MGMT: variants seen among roughly 807,000 people sequenced by gnomAD.
MGMT encodes methylated-DNA--protein-cysteine methyltransferase.
A neutral mutation model predicts 15.9 loss-of-function variants in MGMT; 14 were observed. The ratio of observed to expected loss-of-function variants is 0.88; its 90% CI spans 0.58 to 1.37. The LOEUF is 1.37. Among genes scored for constraint, MGMT ranks in the 40% most tolerant of loss-of-function variants. MGMT has a pLI of 0.00. For missense variants in MGMT, 282 were observed against 268.1 expected (o/e 1.05, Z -0.36); for synonymous variants, 130 against 118.2 (o/e 1.10, Z -0.65).
chr10:129,750,354 T>C (rs916746958), intron 3 of MGMT, among the ~76,000 whole-genome samples: 1 of 152,190 alleles, frequency 6.6e-6, no homozygotes, highest in African/African-American at 2.4e-5. Context: ...GGGCCATTTG[T>C]TTAAAAGACT....
At chr10:129,641,267 A>C (rs1847325382) in intron 2 of MGMT, among the ~76,000 whole-genome samples, 1 of 152,218 alleles carries the variant, frequency 6.6e-6, no homozygotes. Flanking sequence ...TATTTGCAGG[A>C]TATATATACT....
chr10:129,747,517 G>A (rs867492423), intron 3 of MGMT, among the ~76,000 whole-genome samples: 5 of 151,970 alleles, frequency 3.3e-5, no homozygotes, highest in African/African-American at 4.8e-5. Flanking sequence ...GAATAGTTTC[G>A]GATTTACAGA....
chr10:129,576,457 C>A (rs1846484074), intron 2 of MGMT, among the ~76,000 whole-genome samples: 1 of 152,170 alleles, frequency 6.6e-6, no homozygotes. Context: ...TCAATAGATG[C>A]AGAAAAGACC....
Position 129,710,187 on chromosome 10 carries a change from C to G in MGMT, c.274+2144C>G, listed in dbSNP as rs112809447. Among the ~76,000 whole-genome samples the G allele has an allele frequency of 2.9e-3, 446 of 152,344 alleles. 2 individuals carry two copies. The highest frequency in any genetic ancestry group is 9.6e-3 in the African/African-American group (401 of 41,592). On this transcript the variant is annotated intron_variant, in intron 3 of 4. Transcript: ENST00000651593. ...TGATAGGTCTTGGTGACCAGGAAGA[C>G]CTCAGAGTAGCCGCCAGGATACTGG...
intron 1 of MGMT, among the ~76,000 whole-genome samples, chr10:129,515,372 T>C (rs1845727497): frequency 6.6e-6 from 1 of 152,148 alleles, no homozygotes; most frequent in Non-Finnish European, 1.5e-5. Flanking sequence ...GTTCCCAGAT[T>C]TGGGGGATTT....
chr10:129,706,229 C>T (rs568324535), intron 2 of MGMT, among the ~76,000 whole-genome samples: 2 of 152,328 alleles, frequency 1.3e-5, no homozygotes, highest in African/African-American at 4.8e-5. Context: ...GTCTGTCCTA[C>T]GTCCGGGATG....
chr10:129,545,344 G>A (rs7087624), intron 2 of MGMT, among the ~76,000 whole-genome samples: 11,594 of 152,220 alleles, frequency 0.076, 674 homozygotes, highest in East Asian at 0.29. Flanking sequence ...TGTCCTGGGG[G>A]CCTGAGTGCC....
At chr10:129,658,914 C>T (rs933822644) in intron 2 of MGMT, among the ~76,000 whole-genome samples, 1 of 152,110 alleles carries the variant, frequency 6.6e-6, no homozygotes, top group African/African-American at 2.4e-5. Flanking sequence ...CAAGGCCTCC[C>T]AGGTGTCGCT....
At chr10:129,513,654 G>T (rs1412637366) in intron 1 of MGMT, among the ~76,000 whole-genome samples, 1 of 152,152 alleles carries the variant, frequency 6.6e-6, no homozygotes, top group Admixed American at 6.5e-5. Flanking sequence ...TCCTGGCCTT[G>T]GTGTTCAGCA....
At chr10:129,555,240 G>C (rs988848844) in intron 2 of MGMT, among the ~76,000 whole-genome samples, 1 of 152,166 alleles carries the variant, frequency 6.6e-6, no homozygotes, top group African/African-American at 2.4e-5. Flanking sequence ...GCACTCCCAG[G>C]CTTGCTTCAG....
intron 2 of MGMT, among the ~76,000 whole-genome samples, chr10:129,678,707 C>T (rs56800605): frequency 0.15 from 22,877 of 152,124 alleles, 1,828 homozygotes; most frequent in East Asian, 0.28. Flanking sequence ...TTTAATGACA[C>T]AGGATCCACT....
intron 2 of MGMT, among the ~76,000 whole-genome samples, chr10:129,628,398 C>T (rs143252553): frequency 1.4e-4 from 21 of 152,278 alleles, no homozygotes; most frequent in African/African-American, 4.6e-4. Context: ...TGAAGCAGGG[C>T]GTTTTGTGGA....
At position 129,525,085 on chromosome 10, in the gene MGMT, G is replaced by A. The variant is rs533455793; in HGVS notation, c.-12-11156G>A. On this transcript the variant is annotated intron_variant, in intron 1 of 4. Transcript: ENST00000651593. Reference sequence around the variant, plus strand: ...ATTTGTTAAAACTGTACACATTTACGTTTTCTGCCCTTTTCTCTAGGTGTG... The same window carrying A: ...ATTTGTTAAAACTGTACACATTTACATTTTCTGCCCTTTTCTCTAGGTGTG... 8.5e-4 allele frequency among the ~76,000 whole-genome samples: 130 copies of A among 152,188 alleles called. No homozygotes were observed. In the South Asian group the frequency reaches 0.021, roughly 24 times the overall value.
At chr10:129,558,489 C>A (rs1370699369) in intron 2 of MGMT, among the ~76,000 whole-genome samples, 1 of 152,138 alleles carries the variant, frequency 6.6e-6, no homozygotes, top group African/African-American at 2.4e-5. Context: ...GGCCCTGGTC[C>A]TCAGCGCCTC....
At chr10:129,681,215 G>A (rs1208388266) in intron 2 of MGMT, among the ~76,000 whole-genome samples, 4 of 152,232 alleles carry the variant, frequency 2.6e-5, no homozygotes, top group South Asian at 2.1e-4. Flanking sequence ...CACTCCACAC[G>A]TGTGCCCCGC....
At chr10:129,470,482 T>G (rs1845217919) in intron 1 of MGMT, among the ~76,000 whole-genome samples, 1 of 152,230 alleles carries the variant, frequency 6.6e-6, no homozygotes, top group Non-Finnish European at 1.5e-5. Context: ...ATGACTGACT[T>G]CTTCATAGAG....
At chr10:129,696,370 T>C (rs750116203) in intron 2 of MGMT, among the ~76,000 whole-genome samples, 1 of 152,226 alleles carries the variant, frequency 6.6e-6, no homozygotes, top group Non-Finnish European at 1.5e-5. Context: ...CCAAGTTCTG[T>C]GTCTTCAAAC....
intron 2 of MGMT, among the ~76,000 whole-genome samples, chr10:129,548,175 CTCTT>C (rs1199775356): frequency 6.6e-6 from 1 of 152,208 alleles, no homozygotes; most frequent in Non-Finnish European, 1.5e-5. Flanking sequence ...GGTATGCTGA[CTCTT>C]TCCCTTGTTC....
chr10:129,638,889 T>C (rs1392172655), intron 2 of MGMT, among the ~76,000 whole-genome samples: 2 of 152,124 alleles, frequency 1.3e-5, no homozygotes, highest in Non-Finnish European at 2.9e-5. Flanking sequence ...AAGAAGCATG[T>C]CAGGAAAATA....
Sources: gnomAD v4.1 joint callset for allele counts (sites outside exome capture counted in the v4.1 genomes callset) on GRCh38, gnomAD v4.1.1 for gene constraint, MANE v1.5 for transcripts, NCBI Gene and HGNC (gene_info 2026-07-23, HGNC 2026-07-21) for gene names.